COL9A1: variants seen among roughly 807,000 people sequenced by gnomAD.
COL9A1 encodes the protein collagen type IX alpha 1 chain.
COL9A1 carries 104 observed loss-of-function variants against 142.6 expected under a neutral mutation model. That is an observed-to-expected ratio of 0.73 (90% CI 0.62 to 0.86). The LOEUF is 0.86. Ranked by LOEUF, COL9A1 falls within the 40% of genes least tolerant of loss-of-function variation. The pLI is 0.00. For missense variants in COL9A1, 1,210 were observed against 1,176.6 expected, an observed-to-expected ratio of 1.03 and a Z score of -0.42; for synonymous variants, 466 against 396.0, an observed-to-expected ratio of 1.18 and a Z score of -2.10.
intron 37 of COL9A1, among the ~76,000 whole-genome samples, chr6:70,221,852 G>A (rs557841659): frequency 6.6e-6 from 1 of 152,162 alleles, no homozygotes; most frequent in African/African-American, 2.4e-5. Flanking sequence ...TGAGACAACC[G>A]ACCAAGCAAT....
chr6:70,237,484 A>T (rs548979361), intron 33 of COL9A1, among the ~76,000 whole-genome samples: 1 of 152,220 alleles, frequency 6.6e-6, no homozygotes, highest in African/African-American at 2.4e-5. Context: ...TTTCACTCAT[A>T]TTACCTGGGC....
intron 12 of COL9A1, among the ~76,000 whole-genome samples, chr6:70,272,329 T>A (rs1018756888): frequency 1.3e-5 from 2 of 152,086 alleles, no homozygotes; most frequent in South Asian, 2.1e-4. Context: ...TCCAAACTTT[T>A]TTTTTTTAAG....
intron 33 of COL9A1, among the ~76,000 whole-genome samples, chr6:70,235,240 G>T (rs1562293128): frequency 6.6e-6 from 1 of 152,156 alleles, no homozygotes; most frequent in Non-Finnish European, 1.5e-5. Flanking sequence ...GGATCATGAG[G>T]TCAAGAGTTT....
intron 28 of COL9A1, among the ~76,000 whole-genome samples, chr6:70,243,537 T>G (rs1770402812): frequency 1.3e-5 from 2 of 152,194 alleles, no homozygotes; most frequent in Admixed American, 6.5e-5. Flanking sequence ...TTTCCTAATT[T>G]TTTTTTTTGA....
chr6:70,273,970 A>AATAT, intron 12 of COL9A1, 77 bp downstream of exon 12: 1 of 757,348 alleles, frequency 1.3e-6, no homozygotes, highest in African/African-American at 1.9e-5. Context: ...TAAATAAATA[A>AATAT]ATAAAAAGAT....
intron 5 of COL9A1, among the ~76,000 whole-genome samples, chr6:70,293,767 C>A (rs1429064351): frequency 6.6e-6 from 1 of 151,960 alleles, no homozygotes; most frequent in Non-Finnish European, 1.5e-5. Flanking sequence ...GTGTTTCCCT[C>A]AGCTATAATG....
chr6:70,253,272 C>T lies in COL9A1; in HGVS notation c.1764+113G>A. The T allele has an allele frequency of 4.0e-6, 3 of 742,698 alleles. No homozygotes were observed. In the South Asian group the frequency reaches 5.5e-5, roughly 14 times the overall value. 46.0% of individuals were successfully genotyped at this position (742,698 alleles called of 1,614,324 possible). ...AACACATTTACCTTTTTATTTCTCC[C>T]TAGGGCCAAATATAAAATAAAACAC... On this transcript the variant is annotated intron_variant, in intron 26 of 37. Coordinates refer to ENST00000357250, the MANE Select transcript of COL9A1 (RefSeq NM_001851.6).
intron 21 of COL9A1, among the ~76,000 whole-genome samples, chr6:70,256,046 T>C (rs1156948170): frequency 1.3e-5 from 2 of 152,196 alleles, no homozygotes; most frequent in African/African-American, 2.4e-5. Context: ...CTCCAGGCAG[T>C]GACAGCCCCT....
chr6:70,271,753 T>C (rs759036660), intron 13 of COL9A1, 45 bp from the exon 14 acceptor site: 1 of 1,525,676 alleles, frequency 6.6e-7, no homozygotes, highest in South Asian at 1.1e-5. Context: ...TGAATATTTT[T>C]ACAATCTATC....
At position 70,294,449 on chromosome 6, in the gene COL9A1, C is replaced by T. The variant is rs770921588; in HGVS notation, c.414G>A (p.Gly138=). Residue 138 remains glycine (G), a synonymous_variant, in exon 5 of 38, where the codon GGG becomes GGA. Transcript: ENST00000357250. ...TAATCTTTATGCCAACTTGCTCCTT[C>T]CCAGAGGAATCCTGAATCTGCCAAA... ...WNIWQIQDSS[G]KEQVGIKING... The T allele has an allele frequency of 1.2e-6, 2 of 1,614,158 alleles. No individual in the cohort carries two copies. The highest frequency in any genetic ancestry group is 2.2e-5 in the South Asian group (2 of 91,086).
intron 10 of COL9A1, among the ~76,000 whole-genome samples, chr6:70,278,594 T>G (rs1467742775): frequency 6.6e-6 from 1 of 151,990 alleles, no homozygotes; most frequent in Non-Finnish European, 1.5e-5. Flanking sequence ...TTTCCTCTCT[T>G]TCTCTTTTGC....
In COL9A1 at chr6:70,232,626, G is replaced by A; in HGVS notation, c.2460C>T (p.Gly820=). ...PGQMGIRGLP[G]IKGPPGALGL... ...CAAGAGCACCAGGGGGCCCCTTAAT[G>A]CCCGGAAGGCCACGAATTCCCATCT... The change falls in exon 36 of 38, where the codon GGC becomes GGT. Residue 820 remains glycine, a synonymous_variant. Coordinates refer to ENST00000357250, the MANE Select transcript of COL9A1 (RefSeq NM_001851.6). 1 of 1,614,084 alleles carries A rather than the reference G, an allele frequency of 6.2e-7. No individual in the cohort carries two copies. Among genetic ancestry groups the A allele is most frequent in the Non-Finnish European group, 8.5e-7 (1 of 1,180,004 alleles).
rs374054294 is a variant in COL9A1 at position 70,253,440 on chromosome 6, A to G, written c.1720-11T>C. 264 of 1,599,434 alleles carry G rather than the reference A, an allele frequency of 1.7e-4. No individual in the cohort carries two copies. In the African/African-American group the frequency reaches 2.6e-3, roughly 16 times the overall value. On this transcript the variant is annotated splice_polypyrimidine_tract_variant and intron_variant, in intron 25 of 37. Transcript: ENST00000357250. The stretch of plus-strand genomic sequence containing the variant: ...AATTCCAGGTACACCCTAAAAGAAT[A>G]CATACACAATCCTAGTTTAATCACC...
chr6:70,226,028 A>G lies in COL9A1; in HGVS notation c.2504-19T>C, dbSNP rs537226988. ...AAGTCACCTGCATTACATTAAAGAA[A>G]TGTTATTTTTCTACATATCTATAAA... is the stretch of plus-strand genomic sequence containing the variant. On this transcript the variant is annotated intron_variant, in intron 36 of 37. Coordinates refer to ENST00000357250, the MANE Select transcript of COL9A1 (RefSeq NM_001851.6). 4.4e-6 allele frequency: 7 copies of G among 1,586,282 alleles called. 1 individual carries two copies. The East Asian group carries it at 1.6e-4, about 36-fold the overall frequency.
At chr6:70,255,650 A>G (rs1192671114) in intron 21 of COL9A1, among the ~76,000 whole-genome samples, 1 of 152,202 alleles carries the variant, frequency 6.6e-6, no homozygotes, top group East Asian at 1.9e-4. Context: ...TCTTGTGTGT[A>G]ACATATAATG....
chr6:70,281,389 C>T lies in COL9A1; in HGVS notation c.876+1G>A. 6.2e-7 allele frequency: 1 copy of T among 1,612,194 alleles called. No individual in the cohort carries two copies. Among genetic ancestry groups the T allele is most frequent in the Non-Finnish European group, 8.5e-7 (1 of 1,179,160 alleles). ...GAGGTGGCCTGGAGATAGAAACTTA[C>T]GTCGATGCCATCGATGCCTGGAACT... On this transcript the variant is annotated splice_donor_variant, in intron 8 of 37. Coordinates refer to ENST00000357250, the MANE Select transcript of COL9A1 (RefSeq NM_001851.6). LOFTEE classifies it high-confidence loss of function.
At chr6:70,247,604 G>T (rs1220623414) in intron 28 of COL9A1, among the ~76,000 whole-genome samples, 1 of 152,108 alleles carries the variant, frequency 6.6e-6, no homozygotes, top group Non-Finnish European at 1.5e-5. Flanking sequence ...TAACCTAGGA[G>T]ATCAATTATG....
At chr6:70,282,556 G>A (rs908058914) in intron 7 of COL9A1, among the ~76,000 whole-genome samples, 6 of 150,608 alleles carry the variant, frequency 4.0e-5, no homozygotes, top group Non-Finnish European at 1.5e-5. Context: ...GCTGTTGACA[G>A]TGACCAGGAG....
chr6:70,301,902 G>T, intron 2 of COL9A1, 99 bp downstream of exon 2: 1 of 938,248 alleles, frequency 1.1e-6, no homozygotes, highest in Non-Finnish European at 1.7e-6. Flanking sequence ...GGGTGTGAAG[G>T]ACTATGAATG....
Sources: gnomAD v4.1 joint callset for allele counts (sites outside exome capture counted in the v4.1 genomes callset) on GRCh38, gnomAD v4.1.1 for gene constraint, MANE v1.5 for transcripts, NCBI Gene and HGNC (gene_info 2026-07-23, HGNC 2026-07-21) for gene names.